Variants in CRIM1 observed in about 807,000 individuals in gnomAD.
The protein encoded by CRIM1 is cysteine-rich motor neuron 1 protein.
CRIM1 carries 32 observed loss-of-function variants against 116.4 expected under a neutral mutation model. That is an observed-to-expected ratio of 0.27 (90% CI 0.21 to 0.37). The LOEUF (loss-of-function observed/expected upper bound fraction) is 0.37. CRIM1 is among the 10% of genes least tolerant of loss of function. The pLI is 1.00. For missense variants in CRIM1, 1,331 were observed against 1,354.8 expected (o/e 0.98, Z 0.28); for synonymous variants, 590 against 509.2 (o/e 1.16, Z -2.13).
chr2:36,387,875 A>G (rs1671285048), intron 1 of CRIM1, among the ~76,000 whole-genome samples: 1 of 151,156 alleles, frequency 6.6e-6, no homozygotes, highest in Non-Finnish European at 1.5e-5. Flanking sequence ...TACTTTCTCC[A>G]TAGATTTATT....
chr2:36,374,663 TAAA>T (rs1670185047), intron 1 of CRIM1, among the ~76,000 whole-genome samples: 1 of 152,244 alleles, frequency 6.6e-6, no homozygotes, highest in Admixed American at 6.5e-5. Flanking sequence ...CCATACTACT[TAAA>T]AAGCAAGAAA....
Position 36,512,252 on chromosome 2 carries a change from G to C in CRIM1, c.1659-21G>C, listed in dbSNP as rs150637747. ...GAGACTTTGTGATTTTCTGACCTCT[G>C]ACAAAATTTTAATTACCCAGGAAGA... On this transcript the variant is annotated intron_variant, in intron 9 of 16. Coordinates refer to ENST00000280527, the MANE Select transcript of CRIM1 (RefSeq NM_016441.3). 454 of 1,608,258 alleles carry C rather than the reference G, an allele frequency of 2.8e-4. 2 individuals are homozygous for C. In the African/African-American group the frequency reaches 4.9e-3, roughly 17 times the overall value.
chr2:36,478,817 A>G (rs922679151), intron 6 of CRIM1, among the ~76,000 whole-genome samples: 3 of 148,894 alleles, frequency 2.0e-5, no homozygotes, highest in Admixed American at 1.4e-4. Flanking sequence ...GTATTTATAT[A>G]CTTGTCAGTA....
At chr2:36,498,270 C>T (rs1444270441) in intron 7 of CRIM1, among the ~76,000 whole-genome samples, 3 of 152,114 alleles carry the variant, frequency 2.0e-5, no homozygotes, top group Non-Finnish European at 4.4e-5. Flanking sequence ...TTTTGTGTTG[C>T]ACAGAAGCTG....
intron 1 of CRIM1, chr2:36,369,010 G>A (rs1349979801): frequency 6.6e-6 from 1 of 152,152 alleles, no homozygotes; most frequent in Non-Finnish European, 1.5e-5. Flanking sequence ...TTCTGGGATG[G>A]GGTGGTGTTA....
At chr2:36,456,455 C>G (rs1315346804) in intron 4 of CRIM1, among the ~76,000 whole-genome samples, 1 of 152,200 alleles carries the variant, frequency 6.6e-6, no homozygotes, top group East Asian at 1.9e-4. Context: ...CAGCCCAGTT[C>G]TCCTTTCCAC....
chr2:36,503,086 A>G (rs1244576564), intron 8 of CRIM1, among the ~76,000 whole-genome samples: 2 of 152,194 alleles, frequency 1.3e-5, no homozygotes, highest in East Asian at 1.9e-4. Context: ...TTAGCAATCC[A>G]GGTTATTTGG....
chr2:36,419,128 T>TG (rs1395755760), intron 2 of CRIM1, among the ~76,000 whole-genome samples: 1 of 152,234 alleles, frequency 6.6e-6, no homozygotes, highest in Non-Finnish European at 1.5e-5. Flanking sequence ...GTAGAGTAGC[T>TG]GAGTGGTTTA....
chr2:36,391,745 C>G (rs1671622030), intron 1 of CRIM1, among the ~76,000 whole-genome samples: 1 of 151,174 alleles, frequency 6.6e-6, no homozygotes, highest in East Asian at 1.9e-4. Flanking sequence ...TTCCATAATC[C>G]TATTAACATT....
At chr2:36,433,099 G>A (rs1158980174) in intron 2 of CRIM1, among the ~76,000 whole-genome samples, 2 of 152,160 alleles carry the variant, frequency 1.3e-5, no homozygotes, top group Non-Finnish European at 2.9e-5. Flanking sequence ...TGCTGCTGGT[G>A]CAAGGATCAT....
At chr2:36,461,210 C>G (rs1286122208) in intron 4 of CRIM1, among the ~76,000 whole-genome samples, 5 of 152,044 alleles carry the variant, frequency 3.3e-5, no homozygotes, top group African/African-American at 1.2e-4. Context: ...GGAGATTGGA[C>G]TAGAACTGGA....
rs147992876 is a variant in CRIM1 at position 36,398,433 on chromosome 2, T to C, written c.505+1646T>C. Among the ~76,000 whole-genome samples, 401 of 152,302 alleles carry C rather than the reference T, an allele frequency of 2.6e-3. 3 individuals are homozygous for C. The highest frequency in any genetic ancestry group is 4.5e-3 in the Non-Finnish European group (305 of 68,030). Reference sequence around the variant, plus strand: ...GTCTCGTCACATAAAATTAGGACAATTGCATTTGTAATTAGTTAGGCGTGT... The same window carrying C: ...GTCTCGTCACATAAAATTAGGACAACTGCATTTGTAATTAGTTAGGCGTGT... On this transcript the variant is annotated intron_variant, in intron 2 of 16. Coordinates refer to ENST00000280527, the MANE Select transcript of CRIM1 (RefSeq NM_016441.3).
intron 14 of CRIM1, among the ~76,000 whole-genome samples, chr2:36,538,824 A>G (rs1572960185): frequency 6.6e-6 from 1 of 152,292 alleles, no homozygotes; most frequent in African/African-American, 2.4e-5. Flanking sequence ...GAAAAAATAT[A>G]TGGTTTTCCA....
At chr2:36,537,292 T>C (rs1666615880) in intron 13 of CRIM1, 60 bp from the exon 14 acceptor site, 4 of 1,469,926 alleles carry the variant, frequency 2.7e-6, no homozygotes, top group Non-Finnish European at 2.8e-6. Flanking sequence ...CTCTCACGTC[T>C]AATAAGATCG....
intron 14 of CRIM1, among the ~76,000 whole-genome samples, chr2:36,541,152 C>T (rs1470516363): frequency 6.6e-6 from 1 of 152,054 alleles, no homozygotes; most frequent in Non-Finnish European, 1.5e-5. Context: ...ATTGTGTGAT[C>T]TTAGTCAAGA....
At chr2:36,475,375 T>C (rs1558345341) in intron 5 of CRIM1, among the ~76,000 whole-genome samples, 1 of 152,254 alleles carries the variant, frequency 6.6e-6, no homozygotes, top group Non-Finnish European at 1.5e-5. Context: ...GTTTTCTTCA[T>C]TTTCTGATTG....
intron 8 of CRIM1, among the ~76,000 whole-genome samples, chr2:36,502,167 C>T (rs1351118822): frequency 1.3e-5 from 2 of 152,182 alleles, no homozygotes; most frequent in Non-Finnish European, 2.9e-5. Context: ...GCCACCCGGT[C>T]ATGCTTATCT....
intron 1 of CRIM1, among the ~76,000 whole-genome samples, chr2:36,364,750 A>G (rs1224168736): frequency 1.3e-5 from 2 of 152,142 alleles, no homozygotes; most frequent in East Asian, 1.9e-4. Flanking sequence ...TGAAACTGGA[A>G]TATTAATAGC....
chr2:36,424,359 G>A (rs925339956), intron 2 of CRIM1, among the ~76,000 whole-genome samples: 8 of 152,162 alleles, frequency 5.3e-5, no homozygotes, highest in African/African-American at 1.7e-4. Flanking sequence ...TTGTTCAACC[G>A]TGTCTCTCCA....
Sources: gnomAD v4.1 joint callset for allele counts (sites outside exome capture counted in the v4.1 genomes callset) on GRCh38, gnomAD v4.1.1 for gene constraint, MANE v1.5 for transcripts, NCBI Gene and HGNC (gene_info 2026-07-23, HGNC 2026-07-21) for gene names.